KLC1: variants seen among roughly 807,000 people sequenced by gnomAD.
KLC1 encodes kinesin light chain 1.
Under a neutral mutation model 84.2 loss-of-function variants are expected in KLC1, and 30 were observed. That is an observed-to-expected ratio of 0.36 (90% CI 0.27 to 0.48). The LOEUF (loss-of-function observed/expected upper bound fraction) is 0.48, where lower values mean the gene tolerates loss of function less well. Ranked by LOEUF, KLC1 falls within the 20% of genes least tolerant of loss-of-function variation. KLC1 has a pLI of 0.99. For missense variants in KLC1, 499 were observed against 805.4 expected, an observed-to-expected ratio of 0.62 and a Z score of 4.60; for synonymous variants, 289 against 293.3, an observed-to-expected ratio of 0.99 and a Z score of 0.15.
chr14:103,700,748 C>T (rs374390359), intron 16 of KLC1, 21 bp downstream of exon 16: 5 of 1,547,942 alleles, frequency 3.2e-6, no homozygotes, highest in Non-Finnish European at 4.4e-6. Flanking sequence ...CGGCCTGCAG[C>T]CCCAGGAAGC....
intron 1 of KLC1, among the ~76,000 whole-genome samples, chr14:103,637,631 A>C (rs144645574): frequency 4.0e-5 from 6 of 151,570 alleles, no homozygotes; most frequent in African/African-American, 1.5e-4. Context: ...CATATCTATA[A>C]ATAAGTCACC....
intron 1 of KLC1, among the ~76,000 whole-genome samples, chr14:103,631,529 G>C (rs1248331678): frequency 6.6e-6 from 1 of 152,164 alleles, no homozygotes; most frequent in Non-Finnish European, 1.5e-5. Context: ...ATCAAAAGTT[G>C]AGTGAAATGT....
chr14:103,685,970 T>G, intron 13 of KLC1: 1 of 1,118,378 alleles, frequency 8.9e-7, no homozygotes, highest in African/African-American at 1.6e-5. Flanking sequence ...CACAAGGTGT[T>G]GTTGCAATGG....
At chr14:103,676,335 C>G (rs952253101) in intron 11 of KLC1, among the ~76,000 whole-genome samples, 1 of 152,042 alleles carries the variant, frequency 6.6e-6, no homozygotes. Context: ...ATGGCGTGAT[C>G]ATGGCTCACT....
intron 1 of KLC1, among the ~76,000 whole-genome samples, chr14:103,631,929 G>C (rs559517865): frequency 5.3e-4 from 81 of 152,228 alleles, no homozygotes; most frequent in African/African-American, 1.9e-3. Context: ...GCAAAGAAAT[G>C]ATCAGTAATA....
intron 12 of KLC1, 158 bp from the exon 13 acceptor site, chr14:103,679,226 C>T (rs951708144): frequency 7.6e-6 from 7 of 926,512 alleles, no homozygotes; most frequent in Non-Finnish European, 1.1e-5. Context: ...TTCCCCGCCT[C>T]CACCCTCACC....
rs768421839 is a variant in KLC1 at position 103,679,534 on chromosome 14, G to T, written c.1639G>T (p.Glu547Ter). 6.2e-7 allele frequency: 1 copy of T among 1,613,752 alleles called. No homozygotes were observed. The highest frequency in any genetic ancestry group is 1.1e-5 in the South Asian group (1 of 91,074). The change falls in exon 13 of 17, where the codon GAG becomes TAG. Residue 547 changes from glutamate to a stop codon, truncating the protein, a stop_gained. Coordinates refer to ENST00000334553, the MANE Select transcript of KLC1 (RefSeq NM_001394837.1). LOFTEE classifies it high-confidence loss of function. ...DGGEEVSMSV[E>*]WNGDGTGSLK... is the part of the protein sequence containing the mutation. Reference sequence around the variant, plus strand: ...AGGGGAGGAAGTGAGTATGAGCGTAGAGTGGAACGGGGTAAGTACAGTACA... The same window carrying T: ...AGGGGAGGAAGTGAGTATGAGCGTATAGTGGAACGGGGTAAGTACAGTACA...
intron 1 of KLC1, among the ~76,000 whole-genome samples, chr14:103,631,712 C>T (rs1477051997): frequency 6.6e-6 from 1 of 152,124 alleles, no homozygotes; most frequent in Non-Finnish European, 1.5e-5. Flanking sequence ...ATTCTCCTGC[C>T]TCAGCCTCCC....
chr14:103,673,472 A>G, intron 9 of KLC1, 41 bp downstream of exon 9: 1 of 1,292,506 alleles, frequency 7.7e-7, no homozygotes, highest in African/African-American at 1.5e-5. Context: ...TTAATTGTAT[A>G]ATGACTTGAC....
At chr14:103,681,649 G>A (rs927505578) in intron 13 of KLC1, among the ~76,000 whole-genome samples, 2 of 152,140 alleles carry the variant, frequency 1.3e-5, no homozygotes, top group African/African-American at 4.8e-5. Context: ...AGTAGAGACA[G>A]GGTTTCACCA....
Position 103,695,396 on chromosome 14 carries a change from G to A in KLC1, c.1848+2971G>A, listed in dbSNP as rs2082381662. 12 of 981,870 alleles carry A rather than the reference G, an allele frequency of 1.2e-5. No homozygotes were observed. The South Asian group carries it at 5.7e-4, about 46-fold the overall frequency. The allele number at this position is 981,870 out of a possible 1,614,324, so 60.8% of individuals were successfully genotyped here. On this transcript the variant is annotated intron_variant, in intron 15 of 16. Transcript: ENST00000334553. ...ATATACATATATAATTTGATGGGTT[G>A]TGAGAAGCCAACCCCCCCCAAAAAA...
intron 5 of KLC1, among the ~76,000 whole-genome samples, chr14:103,666,682 C>T (rs542758407): frequency 1.3e-5 from 2 of 149,990 alleles, no homozygotes; most frequent in East Asian, 4.0e-4. Flanking sequence ...ACTGCAACCT[C>T]TGCCTCCCGG....
intron 1 of KLC1, among the ~76,000 whole-genome samples, chr14:103,641,593 A>T (rs913376637): frequency 5.9e-5 from 9 of 152,012 alleles, no homozygotes; most frequent in African/African-American, 1.9e-4. Context: ...TTTAAAAAAA[A>T]TTTAATAATA....
chr14:103,648,757 T>C (rs1389062219), intron 1 of KLC1, among the ~76,000 whole-genome samples: 2 of 152,118 alleles, frequency 1.3e-5, no homozygotes, highest in Admixed American at 6.6e-5. Context: ...GCCAAGATCA[T>C]GCCACTGCAC....
chr14:103,634,027 C>G (rs1375621578), intron 1 of KLC1, among the ~76,000 whole-genome samples: 2 of 152,086 alleles, frequency 1.3e-5, no homozygotes, highest in Non-Finnish European at 2.9e-5. Context: ...TGCCACCACA[C>G]CTAGCTAATT....
intron 12 of KLC1, 70 bp downstream of exon 12, chr14:103,677,593 T>C (rs2081006974): frequency 1.2e-6 from 1 of 834,576 alleles, no homozygotes; most frequent in African/African-American, 1.7e-5. Context: ...TTACATGAAT[T>C]TTATTGAAAG....
intron 15 of KLC1, chr14:103,699,623 C>T (rs771046939): frequency 1.3e-6 from 2 of 1,595,164 alleles, no homozygotes; most frequent in African/African-American, 1.3e-5. Context: ...AAGTCCCCGC[C>T]CCAGGTGACC....
At position 103,679,560 on chromosome 14, in the gene KLC1, C is replaced by A; in HGVS notation, c.1650+15C>A. ...AGTGGAACGGGGTAAGTACAGTACA[C>A]AGCGGGCACGTGCTCCGGGAGGCGC... On this transcript the variant is annotated intron_variant, in intron 13 of 16. Coordinates refer to ENST00000334553, the MANE Select transcript of KLC1 (RefSeq NM_001394837.1). 1 of 1,595,168 alleles carries A rather than the reference C, an allele frequency of 6.3e-7. No homozygotes were observed. The highest frequency in any genetic ancestry group is 8.6e-7 in the Non-Finnish European group (1 of 1,164,582).
intron 1 of KLC1, among the ~76,000 whole-genome samples, chr14:103,635,237 T>C (rs1265112456): frequency 6.6e-6 from 1 of 152,232 alleles, no homozygotes; most frequent in Admixed American, 6.5e-5. Context: ...CTGACTTCAG[T>C]TGCATAACAT....
Sources: allele counts gnomAD v4.1 joint callset (sites outside exome capture counted in the v4.1 genomes callset), GRCh38; gene constraint gnomAD v4.1.1; transcripts MANE v1.5; gene names NCBI Gene and HGNC (gene_info 2026-07-23, HGNC 2026-07-21).